The following SYTL3 variants were observed in gnomAD, a reference collection of about 807,000 sequenced individuals.
SYTL3 encodes synaptotagmin like 3, also known as synaptotagmin-like protein 3.
A neutral mutation model predicts 82.1 loss-of-function variants in SYTL3; 88 were observed. The observed-to-expected ratio is 1.07, with a 90% CI of 0.90 to 1.28. The LOEUF is 1.28. Among genes scored for constraint, SYTL3 ranks in the 50% most tolerant of loss-of-function variants. SYTL3 has a pLI of 0.00. For synonymous variants in SYTL3, 311 were observed against 289.4 expected (o/e 1.07, Z -0.76); for missense variants, 831 against 757.6 (o/e 1.10, Z -1.14).
At chr6:158,680,481 G>A (rs1193155273) in intron 5 of SYTL3, among the ~76,000 whole-genome samples, 1 of 148,868 alleles carries the variant, frequency 6.7e-6, no homozygotes, top group African/African-American at 2.5e-5. Context: ...GCCCATGCCT[G>A]TAATCCCAGC....
intron 5 of SYTL3, among the ~76,000 whole-genome samples, chr6:158,682,185 C>T (rs1778768262): frequency 1.3e-5 from 2 of 152,030 alleles, no homozygotes; most frequent in Non-Finnish European, 2.9e-5. Flanking sequence ...GTGATCCACC[C>T]ACCTTGGCCT....
Position 158,707,294 on chromosome 6 carries a change from A to G in SYTL3, c.446+13A>G, listed in dbSNP as rs1782206768. The G allele has an allele frequency of 1.2e-6, 2 of 1,613,566 alleles. No individual in the cohort carries two copies. The highest frequency in any genetic ancestry group is 1.7e-6 in the Non-Finnish European group (2 of 1,179,990). On this transcript the variant is annotated intron_variant, in intron 7 of 17. Coordinates refer to ENST00000611299, the MANE Select transcript of SYTL3 (RefSeq NM_001242394.2). ...ATCAGAAGCTGAGGTGAGTGTTACA[A>G]AGGACAGACCGTCCCTGGCCCTCCG...
chr6:158,664,165 G>A (rs1232920827), intron 4 of SYTL3, among the ~76,000 whole-genome samples: 5 of 152,196 alleles, frequency 3.3e-5, no homozygotes, highest in Non-Finnish European at 7.4e-5. Flanking sequence ...CTTGAGGAGT[G>A]AGGAGAATTT....
intron 6 of SYTL3, among the ~76,000 whole-genome samples, chr6:158,689,024 G>C (rs1447366491): frequency 6.6e-6 from 1 of 152,190 alleles, no homozygotes; most frequent in Non-Finnish European, 1.5e-5. Flanking sequence ...TTTCTGATGA[G>C]TGTATCTCAC....
intron 5 of SYTL3, among the ~76,000 whole-genome samples, chr6:158,682,544 A>G (rs1778829713): frequency 6.6e-6 from 1 of 151,694 alleles, no homozygotes; most frequent in African/African-American, 2.4e-5. Context: ...TATTTTTAGT[A>G]CAGACGGGGT....
intron 11 of SYTL3, among the ~76,000 whole-genome samples, chr6:158,739,317 G>A (rs114337313): frequency 2.8e-3 from 429 of 152,174 alleles, no homozygotes; most frequent in African/African-American, 9.2e-3. Flanking sequence ...TCCATCATAG[G>A]TAACAGATCC....
At chr6:158,750,260 G>A (rs1158418023) in intron 12 of SYTL3, among the ~76,000 whole-genome samples, 1 of 152,162 alleles carries the variant, frequency 6.6e-6, no homozygotes, top group Non-Finnish European at 1.5e-5. Context: ...AACCAAGGGG[G>A]TGATAAATAT....
chr6:158,682,545 C>T (rs1027254854), intron 5 of SYTL3, among the ~76,000 whole-genome samples: 1 of 151,586 alleles, frequency 6.6e-6, no homozygotes, highest in Non-Finnish European at 1.5e-5. Context: ...ATTTTTAGTA[C>T]AGACGGGGTT....
intron 6 of SYTL3, among the ~76,000 whole-genome samples, chr6:158,701,300 AG>A (rs1781235038): frequency 4.9e-4 from 7 of 14,218 alleles, no homozygotes; most frequent in African/African-American, 8.8e-4. Context: ...GTGTAGATGA[AG>A]GAGTGTGAGC....
intron 5 of SYTL3, among the ~76,000 whole-genome samples, chr6:158,669,136 AAGG>A (rs1213027864): frequency 3.9e-5 from 6 of 152,204 alleles, no homozygotes; most frequent in African/African-American, 1.2e-4. Context: ...TTGAAATATC[AAGG>A]AGGAGACTAT....
chr6:158,685,036 T>TA (rs542869274), intron 6 of SYTL3, among the ~76,000 whole-genome samples: 139 of 152,240 alleles, frequency 9.1e-4, no homozygotes, highest in African/African-American at 3.0e-3. Flanking sequence ...ACAGATATCA[T>TA]ATATCTATGT....
chr6:158,763,488 G>A lies in SYTL3; in HGVS notation c.1702G>A (p.Gly568Arg), dbSNP rs756461013. ...CTTTGGAATGAACGACCGCTTGCTT[G>A]GAGGAACCAGACTTGGTTCAAGTAA... ...ALFGMNDRLL[G>R]GTRLGSKGDT... The change falls in exon 17 of 18, where the codon GGA becomes AGA. Residue 568 changes from glycine (G) to arginine (R), a missense_variant. Transcript: ENST00000611299. 9 of 1,614,146 alleles carry A rather than the reference G, an allele frequency of 5.6e-6. No homozygotes were observed. The Admixed American group carries it at 1.5e-4, about 27-fold the overall frequency.
chr6:158,764,727 C>T lies in SYTL3; in HGVS notation c.*123C>T, dbSNP rs558225483. ...TTTGACCTTGAGCAGTCTCCATCTG[C>T]GGCCCTGTCCCATGGCTTAACCGCC... On this transcript the variant is annotated 3_prime_UTR_variant, in exon 18 of 18. Transcript: ENST00000611299. 26 of 653,894 alleles carry T rather than the reference C, an allele frequency of 4.0e-5. No homozygotes were observed. Among genetic ancestry groups the T allele is most frequent in the South Asian group, 7.4e-5 (4 of 54,052 alleles). 40.5% of individuals were successfully genotyped at this position (653,894 alleles called of 1,614,324 possible). A position where few individuals can be genotyped will look rare whatever the true frequency, so the allele number is the denominator to read the frequency against.
At chr6:158,730,166 C>T (rs1264535093) in intron 11 of SYTL3, among the ~76,000 whole-genome samples, 2 of 152,194 alleles carry the variant, frequency 1.3e-5, no homozygotes, top group Non-Finnish European at 2.9e-5. Context: ...TCCTCTTTTC[C>T]TTTGTTCTCT....
chr6:158,760,841 T>C, intron 15 of SYTL3, 96 bp downstream of exon 15: 1 of 999,520 alleles, frequency 1.0e-6, no homozygotes, highest in Non-Finnish European at 1.6e-6. Context: ...TTTTCTAGCA[T>C]TTCCTTTCTA....
At chr6:158,729,748 A>G (rs1305965402) in intron 11 of SYTL3, among the ~76,000 whole-genome samples, 1 of 151,512 alleles carries the variant, frequency 6.6e-6, no homozygotes, top group Admixed American at 6.6e-5. Flanking sequence ...TTGTATTTTT[A>G]GTAGAGACAG....
intron 12 of SYTL3, among the ~76,000 whole-genome samples, chr6:158,749,366 G>C (rs1162083265): frequency 7.2e-6 from 1 of 138,130 alleles, no homozygotes; most frequent in Non-Finnish European, 1.5e-5. Flanking sequence ...ACTCCAGCCT[G>C]GGCAACCAAG....
chr6:158,710,910 A>G (rs1439281853), intron 8 of SYTL3, among the ~76,000 whole-genome samples: 1 of 151,914 alleles, frequency 6.6e-6, no homozygotes, highest in Admixed American at 6.6e-5. Context: ...CCTCCTGAGT[A>G]GCTGGGATTA....
chr6:158,732,987 A>G (rs1362049123), intron 11 of SYTL3, among the ~76,000 whole-genome samples: 1 of 150,614 alleles, frequency 6.6e-6, no homozygotes, highest in African/African-American at 2.4e-5. Context: ...AATCAAAAGG[A>G]GGGAATTGTA....
Sources: allele counts gnomAD v4.1 joint callset (sites outside exome capture counted in the v4.1 genomes callset), GRCh38; gene constraint gnomAD v4.1.1; transcripts MANE v1.5; gene names NCBI Gene and HGNC (gene_info 2026-07-23, HGNC 2026-07-21).